The following DUSP13A variants were observed in gnomAD, a reference collection of about 807,000 sequenced individuals.
The protein encoded by DUSP13A is dual specificity protein phosphatase 13A.
the DUSP13A span, chr10:75,108,892 G>A: frequency 7.4e-7 from 1 of 1,352,964 alleles, no homozygotes; most frequent in Non-Finnish European, 9.8e-7. Context: ...TCCCTGGCCT[G>A]GGATGGTCAG....
chr10:75,106,101 C>CTTTTTTTTTTTTT, the DUSP13A span, among the ~76,000 whole-genome samples: 4 of 123,022 alleles, frequency 3.3e-5, no homozygotes, highest in Admixed American at 7.9e-5. Context: ...TCTTTCTTTT[C>CTTTTTTTTTTTTT]TTTTTTTTTT....
At chr10:75,108,811 T>A in the DUSP13A span, among the ~76,000 whole-genome samples, 5 of 152,158 alleles carry the variant, frequency 3.3e-5, no homozygotes, top group Admixed American at 3.3e-4. Context: ...GCAGGCGAAG[T>A]CCCTGCTCTC....
chr10:75,105,780 C>A, the DUSP13A span: 1 of 1,551,288 alleles, frequency 6.4e-7, no homozygotes, highest in Non-Finnish European at 8.7e-7. Context: ...CCGCCTGGCG[C>A]AGGGACAGCC....
the DUSP13A span, chr10:75,105,679 C>T: frequency 3.6e-5 from 55 of 1,548,990 alleles, no homozygotes; most frequent in Non-Finnish European, 4.7e-5. Context: ...TCAGCTCTGG[C>T]CGGCACCCCG....
At chr10:75,108,067 G>A in the DUSP13A span, 11 of 1,613,940 alleles carry the variant, frequency 6.8e-6, 1 homozygote, top group South Asian at 1.2e-4. Context: ...AAATCAGGGA[G>A]GTCGTGGGCT....
At chr10:75,109,031 G>A in the DUSP13A span, 1 of 1,610,326 alleles carries the variant, frequency 6.2e-7, no homozygotes, top group South Asian at 1.1e-5. Context: ...AAAAGGTTGG[G>A]CCAAACTTCG....
the DUSP13A span, among the ~76,000 whole-genome samples, chr10:75,106,153 G>A: frequency 6.8e-6 from 1 of 146,738 alleles, no homozygotes; most frequent in African/African-American, 2.5e-5. Flanking sequence ...TGTTGCCCAG[G>A]CTGGTCTTGA....
chr10:75,106,610 G>A, the DUSP13A span, among the ~76,000 whole-genome samples: 1 of 152,120 alleles, frequency 6.6e-6, no homozygotes, highest in Non-Finnish European at 1.5e-5. Flanking sequence ...TAGCACCCCC[G>A]CCGTGTGCTC....
At chr10:75,107,619 C>T in the DUSP13A span, among the ~76,000 whole-genome samples, 1 of 152,016 alleles carries the variant, frequency 6.6e-6, no homozygotes, top group African/African-American at 2.4e-5. Flanking sequence ...CCCTTTTGCC[C>T]AGGCTAGAGT....
chr10:75,107,609 C>T, the DUSP13A span, among the ~76,000 whole-genome samples: 141 of 152,032 alleles, frequency 9.3e-4, no homozygotes, highest in Non-Finnish European at 1.7e-3. Flanking sequence ...TGGAGTTTCG[C>T]CCTTTTGCCC....
chr10:75,108,278 C>T, the DUSP13A span: 3 of 1,523,140 alleles, frequency 2.0e-6, no homozygotes, highest in African/African-American at 4.1e-5. Context: ...TGTGCCTGGC[C>T]CCCTGCTGCA....
the DUSP13A span, among the ~76,000 whole-genome samples, chr10:75,107,644 T>G: frequency 7.9e-5 from 12 of 152,078 alleles, no homozygotes; most frequent in Non-Finnish European, 1.5e-5. Flanking sequence ...TGGCATGATC[T>G]CGGCTCACTG....
the DUSP13A span, among the ~76,000 whole-genome samples, chr10:75,108,541 G>A: frequency 5.3e-5 from 8 of 152,106 alleles, no homozygotes; most frequent in East Asian, 7.7e-4. Flanking sequence ...GTCCTCCCAC[G>A]CATATCCGTC....
chr10:75,109,048 C>A, the DUSP13A span: 2 of 1,611,542 alleles, frequency 1.2e-6, no homozygotes, highest in East Asian at 2.2e-5. Context: ...TTCGTCCACA[C>A]GGCTGCAAGA....
At chr10:75,105,782 G>C in the DUSP13A span, 1 of 1,551,322 alleles carries the variant, frequency 6.4e-7, no homozygotes, top group Non-Finnish European at 8.7e-7. Flanking sequence ...GCCTGGCGCA[G>C]GGACAGCCGC....
At chr10:75,106,221 C>T in the DUSP13A span, among the ~76,000 whole-genome samples, 2 of 150,614 alleles carry the variant, frequency 1.3e-5, no homozygotes, top group African/African-American at 2.4e-5. Flanking sequence ...GGATTACAGG[C>T]GTGAGACACC....
At chr10:75,107,592 G>A in the DUSP13A span, among the ~76,000 whole-genome samples, 2 of 151,838 alleles carry the variant, frequency 1.3e-5, no homozygotes, top group Admixed American at 6.6e-5. Context: ...TTTTTGGCGG[G>A]GGGGGATGGA....
the DUSP13A span, among the ~76,000 whole-genome samples, chr10:75,106,520 A>G: frequency 3.9e-5 from 6 of 152,058 alleles, no homozygotes; most frequent in African/African-American, 1.2e-4. Flanking sequence ...TTGAATCACA[A>G]AGCAGCTCAT....
At chr10:75,109,080 C>T in the DUSP13A span, 6 of 1,612,420 alleles carry the variant, frequency 3.7e-6, no homozygotes, top group African/African-American at 2.7e-5. Flanking sequence ...CCCGCAGGAG[C>T]TCCTCCAGCT....
Sources: gnomAD v4.1 joint callset for allele counts (sites outside exome capture counted in the v4.1 genomes callset) on GRCh38, gnomAD v4.1.1 for gene constraint, MANE v1.5 for transcripts, NCBI Gene and HGNC (gene_info 2026-07-23, HGNC 2026-07-21) for gene names.